IFT172: variants seen among roughly 807,000 people sequenced by gnomAD.
IFT172 encodes intraflagellar transport protein 172 homolog.
In IFT172, 164 loss-of-function variants were observed where a neutral mutation model predicts 248.9. The ratio of observed to expected loss-of-function variants is 0.66; its 90% CI spans 0.58 to 0.75. The LOEUF is 0.75. Among genes scored for constraint, IFT172 ranks in the 30% least tolerant of loss-of-function variants. The pLI is 0.00. For missense variants in IFT172, 1,950 were observed against 2,192.4 expected, an observed-to-expected ratio of 0.89 and a Z score of 2.21; for synonymous variants, 729 against 791.6, an observed-to-expected ratio of 0.92 and a Z score of 1.33.
Position 27,457,893 on chromosome 2 carries a change from A to T in IFT172, c.3059T>A (p.Val1020Glu). ...HKLYDDMIRLVGKHHPDLLSD... is the reference protein window; with the variant it reads ...HKLYDDMIRLEGKHHPDLLSD... ...GAGGAGATCTGGATGGTGCTTCCCTACCAGGCGGATCATGTCATCATACAA... is the reference window on the plus strand; with the variant it reads ...GAGGAGATCTGGATGGTGCTTCCCTTCCAGGCGGATCATGTCATCATACAA... Residue 1020 changes from valine (V) to glutamate (E), a missense_variant, in exon 28 of 48, where the codon GTA becomes GAA. Transcript: ENST00000260570. The T allele has an allele frequency of 6.2e-7, 1 of 1,614,142 alleles. No homozygotes were observed.
Position 27,458,842 on chromosome 2 carries a change from T to C in IFT172, c.2814A>G (p.Gly938=), listed in dbSNP as rs1298755536. 6.2e-7 allele frequency: 1 copy of C among 1,614,050 alleles called. No individual in the cohort carries two copies. Among genetic ancestry groups the C allele is most frequent in the Non-Finnish European group, 8.5e-7 (1 of 1,180,046 alleles). Residue 938 remains glycine, a synonymous_variant, in exon 26 of 48, where the codon GGA becomes GGG. Coordinates refer to ENST00000260570, the MANE Select transcript of IFT172 (RefSeq NM_015662.3). ...TGTCTATGGCATCTTTTGTCCGATC[T>C]CCCTTAGTATAGAGCTCCTCAGCAA... ...YEIAEELYTK[G]DRTKDAIDMY... is the part of the protein sequence containing the mutation.
Position 27,445,910 on chromosome 2 carries a change from G to A in IFT172, c.4815+19C>T, listed in dbSNP as rs371490518. ...ACTGGCAAAAACCTCCACCCTCGGG[G>A]CACAGCTTCCCTACTCACATCGGTC... On this transcript the variant is annotated intron_variant, in intron 44 of 47. Transcript: ENST00000260570. The surrounding 1 kb of genome is among the most constrained non-coding windows in gnomAD (Gnocchi z 4.4). The A allele has an allele frequency of 1.4e-5, 22 of 1,614,074 alleles. No individual in the cohort carries two copies. The highest frequency in any genetic ancestry group is 1.8e-5 in the Non-Finnish European group (21 of 1,180,028).
Position 27,478,017 on chromosome 2 carries a change from A to C in IFT172, c.1145T>G (p.Leu382Arg). ...TACCTCACTAAGCCGATTAGTGTTC[A>C]GGTCCCCCAGCAGCAGTGTTTCTGA... ...HTSETLLLGD[L>R]NTNRLSEIAW... Residue 382 changes from leucine (L) to arginine (R), a missense_variant, in exon 11 of 48, where the codon CTG becomes CGG. Physicochemically the swap from Leu to Arg is moderately radical, Grantham distance 102 (BLOSUM62 -2). Coordinates refer to ENST00000260570, the MANE Select transcript of IFT172 (RefSeq NM_015662.3). 1 of 1,614,150 alleles carries C rather than the reference A, an allele frequency of 6.2e-7. No homozygotes were observed. Among genetic ancestry groups the C allele is most frequent in the Non-Finnish European group, 8.5e-7 (1 of 1,180,026 alleles).
In IFT172 at chr2:27,445,427, C is replaced by T. The variant is rs549415233; in HGVS notation, c.4937G>A (p.Arg1646Gln). The T allele has an allele frequency of 2.0e-5, 33 of 1,611,524 alleles. No homozygotes were observed. In the East Asian group the frequency reaches 2.5e-4, roughly 12 times the overall value. The change falls in exon 46 of 48, where the codon CGA (arginine) becomes CAA (glutamine). Residue 1646 changes from arginine (R) to glutamine (Q), a missense_variant. Physicochemically the swap from Arg to Gln is conservative, Grantham distance 43. This residue lies in a region of IFT172 where 620 missense variants were observed against 699.0 expected (regional missense o/e 0.89). Coordinates refer to ENST00000260570, the MANE Select transcript of IFT172 (RefSeq NM_015662.3). This position sits in a 1 kb window ranked among gnomAD's most constrained non-coding sequence, Gnocchi z 4.4. ...HVPEAEREEV[R>Q]DWVLTVSMDQ... ...CATGGAGACTGTAAGCACCCAGTCT[C>T]GAACCTCTTCTCTCTCAGCCTCCTG...
chr2:27,451,663 G>A (rs1196681257), intron 35 of IFT172, among the ~76,000 whole-genome samples: 1 of 152,208 alleles, frequency 6.6e-6, no homozygotes, highest in Non-Finnish European at 1.5e-5. Flanking sequence ...CTACTCAGGA[G>A]GCTGTGGCAG....
chr2:27,478,276 G>A, intron 10 of IFT172, 120 bp from the exon 11 acceptor site: 1 of 1,142,634 alleles, frequency 8.8e-7, no homozygotes, highest in Non-Finnish European at 1.2e-6. Flanking sequence ...TTCTTCCCTG[G>A]GTCTAGGATA....
intron 15 of IFT172, 60 bp from the exon 16 acceptor site, chr2:27,471,155 T>G (rs190039174): frequency 1.3e-6 from 2 of 1,552,474 alleles, no homozygotes; most frequent in East Asian, 2.3e-5. Flanking sequence ...TCTCCTGCTT[T>G]TGACCATTTT....
At position 27,461,830 on chromosome 2, in the gene IFT172, C is replaced by A; in HGVS notation, c.2122G>T (p.Val708Leu). ...TGGTACATGCCCATGGCCTCCTCCA[C>A]AGCATTCTAGGGGAAACAGGCAGAG... is the stretch of plus-strand genomic sequence containing the variant. ...AEMIFLEQNA[V>L]EEAMGMYQEL... Residue 708 changes from valine to leucine, a missense_variant, in exon 21 of 48, where the codon GTG becomes TTG. By Grantham distance (32) the Val-to-Leu change is conservative (BLOSUM62 1). Transcript: ENST00000260570. 6.2e-7 allele frequency: 1 copy of A among 1,614,174 alleles called. No individual in the cohort carries two copies. Among genetic ancestry groups the A allele is most frequent in the South Asian group, 1.1e-5 (1 of 91,080 alleles).
intron 24 of IFT172, 74 bp from the exon 25 acceptor site, chr2:27,459,596 G>T: frequency 6.2e-7 from 1 of 1,603,904 alleles, no homozygotes; most frequent in Non-Finnish European, 8.5e-7. Context: ...GACCCTTTAA[G>T]CACACTTCAA....
intron 1 of IFT172, among the ~76,000 whole-genome samples, chr2:27,487,584 A>C (rs2148563488): frequency 6.6e-6 from 1 of 152,192 alleles, no homozygotes; most frequent in African/African-American, 2.4e-5. Context: ...TAGGACCATG[A>C]TTTATTTATT....
At chr2:27,450,589 GTA>G (rs1491256246) in intron 35 of IFT172, among the ~76,000 whole-genome samples, 2 of 152,046 alleles carry the variant, frequency 1.3e-5, no homozygotes, top group Non-Finnish European at 2.9e-5. Context: ...TGAAATGGTA[GTA>G]TTTTATTTAA....
At chr2:27,466,452 T>C (rs1667091456) in intron 16 of IFT172, among the ~76,000 whole-genome samples, 1 of 152,062 alleles carries the variant, frequency 6.6e-6, no homozygotes. Context: ...AATCCTTAAT[T>C]AAACCTAGGA....
At chr2:27,447,670 T>A (rs1442511633) in intron 41 of IFT172, 36 bp from the exon 42 acceptor site, 1 of 1,613,750 alleles carries the variant, frequency 6.2e-7, no homozygotes, top group Admixed American at 1.7e-5. Flanking sequence ...GGCTCAGGGG[T>A]CAGAGGAGTG....
chr2:27,481,939 T>C (rs1038930756), intron 7 of IFT172, among the ~76,000 whole-genome samples: 1 of 152,044 alleles, frequency 6.6e-6, no homozygotes, highest in Non-Finnish European at 1.5e-5. Flanking sequence ...AGCATAGGGC[T>C]TCTTTTTTTA....
In IFT172 at chr2:27,457,830, G is replaced by A. The variant is rs1352750405; in HGVS notation, c.3111+11C>T. Reference sequence around the variant, plus strand: ...GGGGAAGAGATAGGGAGAGCCAGGAGAAGGGCTCACCTTGCCCAGATGTAG... The same window carrying A: ...GGGGAAGAGATAGGGAGAGCCAGGAAAAGGGCTCACCTTGCCCAGATGTAG... On this transcript the variant is annotated intron_variant, in intron 28 of 47. Transcript: ENST00000260570. 6.2e-7 allele frequency: 1 copy of A among 1,614,052 alleles called. No individual in the cohort carries two copies. Among genetic ancestry groups the A allele is most frequent in the Non-Finnish European group, 8.5e-7 (1 of 1,180,032 alleles).
chr2:27,470,406 T>C (rs1424306630), intron 16 of IFT172, among the ~76,000 whole-genome samples: 1 of 152,040 alleles, frequency 6.6e-6, no homozygotes, highest in Non-Finnish European at 1.5e-5. Context: ...TAAAAAGGTA[T>C]GGAAAAGGAC....
rs1231909247 is a variant in IFT172, at chr2:27,458,851, A to G, written c.2805T>C (p.Tyr935=). ...LQEYEIAEEL[Y]TKGDRTKDAI... ...CATCTTTTGTCCGATCTCCCTTAGT[A>G]TAGAGCTCCTCAGCAATCTGTAGTT... is the stretch of plus-strand genomic sequence containing the variant. The change falls in exon 26 of 48, where the codon TAT becomes TAC. Residue 935 remains tyrosine, a synonymous_variant. Transcript: ENST00000260570. 6.2e-7 allele frequency: 1 copy of G among 1,614,124 alleles called. No individual in the cohort carries two copies. Among genetic ancestry groups the G allele is most frequent in the Non-Finnish European group, 8.5e-7 (1 of 1,180,016 alleles).
intron 20 of IFT172, 131 bp downstream of exon 20, chr2:27,462,570 C>G: frequency 1.4e-6 from 1 of 737,446 alleles, no homozygotes; most frequent in South Asian, 1.7e-5. Flanking sequence ...TATATAAACC[C>G]CTTTGAAAGT....
At chr2:27,477,373 T>A in intron 12 of IFT172, 53 bp from the exon 13 acceptor site, 1 of 1,479,844 alleles carries the variant, frequency 6.8e-7, no homozygotes, top group Non-Finnish European at 9.5e-7. Context: ...AGAAAAACAG[T>A]AGTGGGAGGT....
Sources: gnomAD v4.1 joint callset for allele counts (sites outside exome capture counted in the v4.1 genomes callset) on GRCh38, gnomAD v4.1.1 for gene constraint, gnomAD v4.1.1 regional missense constraint, Gnocchi (gnomAD v3.1) non-coding constraint, MANE v1.5 for transcripts, NCBI Gene and HGNC (gene_info 2026-07-23, HGNC 2026-07-21) for gene names.